RSPRY1: variants seen among roughly 807,000 people sequenced by gnomAD.
The protein encoded by RSPRY1 is ring finger and SPRY domain containing 1, also known as RING finger and SPRY domain-containing protein 1.
In RSPRY1, 23 loss-of-function variants were observed where a neutral mutation model predicts 73.1. That is an observed-to-expected ratio of 0.31 (90% CI 0.23 to 0.45). The LOEUF (loss-of-function observed/expected upper bound fraction) is 0.45. Ranked by LOEUF, RSPRY1 falls within the 20% of genes least tolerant of loss-of-function variation. RSPRY1 has a pLI of 1.00. For missense variants in RSPRY1, 448 were observed against 698.7 expected (o/e 0.64, Z 4.05); for synonymous variants, 226 against 251.4 (o/e 0.90, Z 0.95).
At chr16:57,193,044 C>A (rs6499871) in intron 1 of RSPRY1, among the ~76,000 whole-genome samples, 2 of 152,152 alleles carry the variant, frequency 1.3e-5, no homozygotes, top group Non-Finnish European at 2.9e-5. Context: ...GAAAAAAATA[C>A]CTACTTTCAA....
At chr16:57,231,568 G>A (rs923761026) in intron 13 of RSPRY1, among the ~76,000 whole-genome samples, 7 of 152,056 alleles carry the variant, frequency 4.6e-5, no homozygotes, top group African/African-American at 1.7e-4. Context: ...CAAATCTTTA[G>A]GTAACAGATA....
At chr16:57,189,651 G>A (rs1465893417) in intron 1 of RSPRY1, among the ~76,000 whole-genome samples, 1 of 146,806 alleles carries the variant, frequency 6.8e-6, no homozygotes, top group Non-Finnish European at 1.5e-5. Context: ...GAGTGCAGTG[G>A]TGCAATCACG....
intron 1 of RSPRY1, among the ~76,000 whole-genome samples, chr16:57,201,023 C>T: frequency 6.7e-6 from 1 of 150,344 alleles, no homozygotes. Flanking sequence ...ACCCCCCCAC[C>T]TCCCTCCCGG....
At position 57,191,601 on chromosome 16, in the gene RSPRY1, CTT is replaced by C. The variant is rs147084939; in HGVS notation, c.-156+5156_-156+5157del. Among the ~76,000 whole-genome samples the C allele has an allele frequency of 4.8e-3, 737 of 152,084 alleles. 7 individuals are homozygous for C. The highest frequency in any genetic ancestry group is 0.017 in the African/African-American group (700 of 41,468). ...AATGTCAGTTTTCATCATGATTCCT[CTT>C]TTTTTATTAGAATTTTTATTTAACT... On this transcript the variant is annotated intron_variant, in intron 1 of 14. Transcript: ENST00000394420.
At chr16:57,219,273 A>C (rs1272228096) in intron 8 of RSPRY1, among the ~76,000 whole-genome samples, 1 of 152,112 alleles carries the variant, frequency 6.6e-6, no homozygotes, top group African/African-American at 2.4e-5. Flanking sequence ...TTGCATTCCT[A>C]CTACCAGTGT....
intron 10 of RSPRY1, among the ~76,000 whole-genome samples, chr16:57,225,983 C>G (rs959838109): frequency 6.6e-6 from 1 of 152,106 alleles, no homozygotes; most frequent in Non-Finnish European, 1.5e-5. Flanking sequence ...GAGGCTGAGG[C>G]AGGAGAATCG....
At chr16:57,222,513 G>A (rs1026304069) in intron 10 of RSPRY1, among the ~76,000 whole-genome samples, 2 of 152,178 alleles carry the variant, frequency 1.3e-5, no homozygotes, top group Non-Finnish European at 2.9e-5. Flanking sequence ...AAGGGCCAGT[G>A]GAGAGGTCAA....
intron 1 of RSPRY1, chr16:57,186,689 G>A (rs1004468437): frequency 1.2e-4 from 18 of 152,114 alleles, no homozygotes; most frequent in Admixed American, 3.3e-4. Context: ...GATCTGAAGA[G>A]GTTCCTAGAA....
At chr16:57,212,825 G>T in intron 4 of RSPRY1, 147 bp from the exon 5 acceptor site, 5 of 667,176 alleles carry the variant, frequency 7.5e-6, no homozygotes, top group Non-Finnish European at 1.2e-5. Flanking sequence ...ATGTTGGCCA[G>T]GCTGGTGTCG....
In RSPRY1 at chr16:57,231,246, C is replaced by A. The variant is rs779756171; in HGVS notation, c.1456C>A (p.Pro486Thr). The change falls in exon 13 of 15, where the codon CCA (proline) becomes ACA (threonine). Residue 486 changes from proline (P) to threonine (T), a missense_variant. By Grantham distance (38) the Pro-to-Thr change is conservative. Coordinates refer to ENST00000394420, the MANE Select transcript of RSPRY1 (RefSeq NM_133368.3). ...TTTTGGAGCAAAACCATTCAAATAC[C>A]CACCATCTATGAAATTTAGCACTTT... ...FNFGAKPFKY[P>T]PSMKFSTFND... 6.2e-6 allele frequency: 10 copies of A among 1,613,602 alleles called. No individual in the cohort carries two copies. Among genetic ancestry groups the A allele is most frequent in the Non-Finnish European group, 7.6e-6 (9 of 1,179,756 alleles).
intron 8 of RSPRY1, among the ~76,000 whole-genome samples, chr16:57,219,398 T>C (rs2074998472): frequency 1.3e-5 from 2 of 152,240 alleles, no homozygotes; most frequent in Admixed American, 1.3e-4. Flanking sequence ...GATTTGGATT[T>C]CTCTGATGAT....
intron 6 of RSPRY1, among the ~76,000 whole-genome samples, chr16:57,215,155 G>C (rs1284683739): frequency 6.6e-6 from 1 of 152,126 alleles, no homozygotes; most frequent in African/African-American, 2.4e-5. Flanking sequence ...GGATTTTATT[G>C]TGCCCAGAGG....
intron 13 of RSPRY1, among the ~76,000 whole-genome samples, chr16:57,234,122 G>A (rs909877872): frequency 5.3e-5 from 8 of 151,882 alleles, no homozygotes; most frequent in South Asian, 2.1e-4. Flanking sequence ...ACCCTCTCCC[G>A]TTTTCTCATG....
chr16:57,195,893 G>A (rs981568205), intron 1 of RSPRY1, among the ~76,000 whole-genome samples: 5 of 151,430 alleles, frequency 3.3e-5, no homozygotes, highest in Non-Finnish European at 5.9e-5. Flanking sequence ...GTGGTGGCAC[G>A]CACCTGTAGT....
rs146163790 is a variant in RSPRY1 at position 57,225,138 on chromosome 16, G to A, written c.1162-2204G>A. Reference sequence around the variant, plus strand: ...CAGTGGCACGTGATCTCTGCTCACTGCAACCTCTGCCTCCCAGGTTCAGGC... The same window carrying A: ...CAGTGGCACGTGATCTCTGCTCACTACAACCTCTGCCTCCCAGGTTCAGGC... On this transcript the variant is annotated intron_variant, in intron 10 of 14. Transcript: ENST00000394420. Among the ~76,000 whole-genome samples the A allele has an allele frequency of 7.7e-3, 1,170 of 152,358 alleles. 7 individuals are homozygous for A. The highest frequency in any genetic ancestry group is 0.012 in the Non-Finnish European group (800 of 68,036).
chr16:57,234,268 C>T (rs535101019), intron 13 of RSPRY1, among the ~76,000 whole-genome samples: 172 of 152,316 alleles, frequency 1.1e-3, no homozygotes, highest in African/African-American at 3.7e-3. Flanking sequence ...ACTCCCTTTA[C>T]CTCAATATTA....
intron 7 of RSPRY1, 63 bp downstream of exon 7, chr16:57,216,236 C>T: frequency 4.1e-6 from 5 of 1,222,718 alleles, no homozygotes; most frequent in Non-Finnish European, 6.0e-6. Flanking sequence ...TTTTATTTTT[C>T]TTAGTTACTG....
intron 13 of RSPRY1, among the ~76,000 whole-genome samples, chr16:57,232,301 C>T (rs1351749947): frequency 6.6e-6 from 1 of 152,138 alleles, no homozygotes; most frequent in Non-Finnish European, 1.5e-5. Flanking sequence ...TCAATAGTTT[C>T]CAGATGAACT....
Position 57,216,891 on chromosome 16 carries a change from T to C in RSPRY1, c.770-13T>C, listed in dbSNP as rs1419541029. 6.2e-7 allele frequency: 1 copy of C among 1,611,110 alleles called. No homozygotes were observed. Among genetic ancestry groups the C allele is most frequent in the African/African-American group, 1.3e-5 (1 of 74,902 alleles). On this transcript the variant is annotated splice_polypyrimidine_tract_variant and intron_variant, in intron 7 of 14. Transcript: ENST00000394420. ...TTTCATTGTTAATTCAAGGATTATG[T>C]CTTTCCAAACAGGTGAAAATAAATT...
Sources: gnomAD v4.1 joint callset for allele counts (sites outside exome capture counted in the v4.1 genomes callset) on GRCh38, gnomAD v4.1.1 for gene constraint, MANE v1.5 for transcripts, NCBI Gene and HGNC (gene_info 2026-07-23, HGNC 2026-07-21) for gene names.